The following STK3 variants were observed in gnomAD, a reference collection of about 807,000 sequenced individuals.
The protein encoded by STK3 is serine/threonine-protein kinase 3.
In STK3, 41 loss-of-function variants were observed where a neutral mutation model predicts 58.0. The observed-to-expected ratio is 0.71, with a 90% CI of 0.55 to 0.92. The LOEUF is 0.92. Ranked by LOEUF, STK3 falls within the 40% of genes least tolerant of loss-of-function variation. The pLI, the probability that STK3 is intolerant of heterozygous loss-of-function variation, is 0.00. For synonymous variants in STK3, 170 were observed against 191.0 expected (o/e 0.89, Z 0.91); for missense variants, 479 against 602.7 (o/e 0.79, Z 2.15).
At chr8:98,347,509 C>T in the STK3 span, among the ~76,000 whole-genome samples, 1,035 of 147,670 alleles carry the variant, frequency 7.0e-3, 12 homozygotes, top group African/African-American at 0.022. Context: ...AGCGAGACTC[C>T]GTCTCAAAAA....
At chr8:98,912,262 C>T (rs1416890023) in intron 1 of STK3, among the ~76,000 whole-genome samples, 1 of 152,102 alleles carries the variant, frequency 6.6e-6, no homozygotes, top group Non-Finnish European at 1.5e-5. Flanking sequence ...GCCTGTAATC[C>T]TAGCTACTTG....
intron 3 of STK3, among the ~76,000 whole-genome samples, chr8:98,842,946 C>T (rs1405971157): frequency 2.0e-5 from 3 of 151,942 alleles, no homozygotes; most frequent in East Asian, 3.9e-4. Context: ...GCGCCTGGGA[C>T]GTGGAGGCTG....
chr8:98,811,924 C>G (rs933856496), intron 1 of STK3, among the ~76,000 whole-genome samples: 2 of 152,194 alleles, frequency 1.3e-5, no homozygotes, highest in Admixed American at 1.3e-4. Context: ...ATTCTCCTGC[C>G]TCAGCCTCCC....
At chr8:98,555,386 C>T (rs891238438) in intron 8 of STK3, among the ~76,000 whole-genome samples, 2 of 152,050 alleles carry the variant, frequency 1.3e-5, no homozygotes, top group African/African-American at 4.8e-5. Flanking sequence ...TTTCTATATT[C>T]TCAAAATGTT....
intron 4 of STK3, among the ~76,000 whole-genome samples, chr8:98,743,415 C>T (rs1829384979): frequency 3.9e-5 from 6 of 152,092 alleles, no homozygotes. Flanking sequence ...GAACAGAGCC[C>T]TCAGAAATAA....
intron 3 of STK3, among the ~76,000 whole-genome samples, chr8:98,404,511 T>C (rs970216273): frequency 2.0e-5 from 3 of 151,976 alleles, no homozygotes; most frequent in African/African-American, 7.3e-5. Context: ...AAACCCCGTC[T>C]CTACTAAAAA....
At chr8:98,927,060 A>T (rs565009959) in intron 1 of STK3, among the ~76,000 whole-genome samples, 12 of 152,216 alleles carry the variant, frequency 7.9e-5, no homozygotes, top group Non-Finnish European at 1.6e-4. Flanking sequence ...AGGATAACCA[A>T]GCAGATCAAG....
intron 8 of STK3, among the ~76,000 whole-genome samples, chr8:98,561,332 C>T (rs1351541206): frequency 6.7e-6 from 1 of 148,794 alleles, no homozygotes; most frequent in African/African-American, 2.5e-5. Context: ...CAGATATAGA[C>T]CTTACAGCTT....
At chr8:98,418,002 T>C (rs771275564) in intron 3 of STK3, among the ~76,000 whole-genome samples, 23 of 152,156 alleles carry the variant, frequency 1.5e-4, no homozygotes, top group Non-Finnish European at 2.5e-4. Context: ...CTTGAACTCC[T>C]GGGCTTAAGC....
At chr8:98,793,483 G>T (rs1485905522) in intron 1 of STK3, among the ~76,000 whole-genome samples, 1 of 152,130 alleles carries the variant, frequency 6.6e-6, no homozygotes, top group Non-Finnish European at 1.5e-5. Context: ...AGCCGAAATT[G>T]TACCACTGCA....
chr8:98,833,781 C>T (rs1048186370), intron 3 of STK3, among the ~76,000 whole-genome samples: 6 of 152,064 alleles, frequency 3.9e-5, no homozygotes, highest in Admixed American at 6.6e-5. Flanking sequence ...TGGCCAAAAG[C>T]GGGTCCATTT....
chr8:98,654,799 G>T (rs1563853692), intron 6 of STK3, among the ~76,000 whole-genome samples: 1 of 152,162 alleles, frequency 6.6e-6, no homozygotes. Flanking sequence ...ACCTCTTCAA[G>T]GAGAACTACA....
intron 4 of STK3, among the ~76,000 whole-genome samples, chr8:98,740,526 T>A (rs1829103254): frequency 6.6e-6 from 1 of 152,046 alleles, no homozygotes; most frequent in Admixed American, 6.6e-5. Context: ...ATAAAATACT[T>A]AACAGACAAG....
chr8:98,863,411 T>C (rs1837006139), intron 3 of STK3, among the ~76,000 whole-genome samples: 1 of 152,134 alleles, frequency 6.6e-6, no homozygotes, highest in African/African-American at 2.4e-5. Context: ...CACTTAACCT[T>C]CATGTACCTC....
intron 1 of STK3, among the ~76,000 whole-genome samples, chr8:98,385,713 AACAG>A (rs1379693366): frequency 6.6e-6 from 1 of 152,280 alleles, no homozygotes; most frequent in East Asian, 1.9e-4. Context: ...GCAAAATCTG[AACAG>A]ACAGAGATTA....
rs1365122318 is a variant in STK3, at chr8:98,517,067, A to C, written c.1317+9675T>G. On this transcript the variant is annotated intron_variant, in intron 10 of 10. Coordinates refer to ENST00000419617, the MANE Select transcript of STK3 (RefSeq NM_006281.4). ...CCATTACTGAATTCATGAAGAAAAAAAGGTCTGTTGAGAACCATGTAAATG... is the reference window on the plus strand; with the variant it reads ...CCATTACTGAATTCATGAAGAAAAACAGGTCTGTTGAGAACCATGTAAATG... Among the ~76,000 whole-genome samples the C allele has an allele frequency of 1.3e-5, 2 of 152,050 alleles. 1 individual carries two copies. Among genetic ancestry groups the C allele is most frequent in the Admixed American group, 1.3e-4 (2 of 15,252 alleles).
At chr8:98,523,684 A>G (rs544733665) in intron 10 of STK3, among the ~76,000 whole-genome samples, 17 of 150,412 alleles carry the variant, frequency 1.1e-4, no homozygotes, top group African/African-American at 3.9e-4. Flanking sequence ...CCCTTTGCCC[A>G]TTTCTGAAAT....
chr8:98,480,173 AAG>A (rs1377966855), intron 10 of STK3, among the ~76,000 whole-genome samples: 2 of 152,186 alleles, frequency 1.3e-5, no homozygotes, highest in African/African-American at 4.8e-5. Context: ...TAAATTTGGC[AAG>A]AGATAAATTT....
chr8:98,552,127 TA>T (rs1019369598), intron 8 of STK3, among the ~76,000 whole-genome samples: 3 of 152,132 alleles, frequency 2.0e-5, no homozygotes, highest in African/African-American at 7.2e-5. Context: ...TCACAATTTT[TA>T]AAAGCTTATA....
Sources: allele counts gnomAD v4.1 joint callset (sites outside exome capture counted in the v4.1 genomes callset), GRCh38; gene constraint gnomAD v4.1.1; transcripts MANE v1.5; gene names NCBI Gene and HGNC (gene_info 2026-07-23, HGNC 2026-07-21).